SERGEF: variants seen among roughly 807,000 people sequenced by gnomAD.
The protein encoded by SERGEF is secretion regulating guanine nucleotide exchange factor.
Under a neutral mutation model 50.0 loss-of-function variants are expected in SERGEF, and 51 were observed. The observed-to-expected ratio is 1.02, with a 90% CI of 0.81 to 1.29. The LOEUF (loss-of-function observed/expected upper bound fraction) is 1.29. Ranked by LOEUF, SERGEF falls within the 50% of genes most tolerant of loss-of-function variation. The probability of loss-of-function intolerance (pLI) is 0.00; values close to 1 mark genes in which losing one functional copy is unlikely to be tolerated. For missense variants in SERGEF, 521 were observed against 557.0 expected, an observed-to-expected ratio of 0.94 and a Z score of 0.65; for synonymous variants, 205 against 212.4, an observed-to-expected ratio of 0.97 and a Z score of 0.30.
At chr11:17,879,371 T>C (rs1319918492) in intron 9 of SERGEF, among the ~76,000 whole-genome samples, 3 of 152,186 alleles carry the variant, frequency 2.0e-5, no homozygotes, top group African/African-American at 7.2e-5. Flanking sequence ...CTTTAGCTCC[T>C]GGCAAGAGGA....
At chr11:17,935,247 G>C (rs578208775) in intron 9 of SERGEF, among the ~76,000 whole-genome samples, 3 of 152,320 alleles carry the variant, frequency 2.0e-5, no homozygotes, top group African/African-American at 7.2e-5. Flanking sequence ...GGGTGGCCAA[G>C]GCAGGAGGAT....
intron 9 of SERGEF, among the ~76,000 whole-genome samples, chr11:17,914,832 T>C (rs1051918873): frequency 1.3e-5 from 2 of 152,318 alleles, no homozygotes; most frequent in African/African-American, 2.4e-5. Context: ...CTAGGCACTG[T>C]AATATAATAG....
chr11:17,940,561 A>G (rs910363608), intron 9 of SERGEF, among the ~76,000 whole-genome samples: 1 of 152,008 alleles, frequency 6.6e-6, no homozygotes, highest in African/African-American at 2.4e-5. Context: ...ACACACAACC[A>G]TTTCTTTGAA....
At chr11:17,858,646 A>G (rs541546609) in intron 10 of SERGEF, among the ~76,000 whole-genome samples, 12 of 152,256 alleles carry the variant, frequency 7.9e-5, no homozygotes, top group Admixed American at 2.0e-4. Flanking sequence ...AGATCTTTAG[A>G]GAGGAAAACC....
chr11:17,931,616 G>A (rs1852354080), intron 9 of SERGEF, among the ~76,000 whole-genome samples: 1 of 152,162 alleles, frequency 6.6e-6, no homozygotes, highest in East Asian at 1.9e-4. Flanking sequence ...GAAAGAAAAA[G>A]TGGCAAACTA....
At chr11:17,997,045 A>C (rs1367615292) in intron 5 of SERGEF, among the ~76,000 whole-genome samples, 7 of 152,144 alleles carry the variant, frequency 4.6e-5, no homozygotes, top group Admixed American at 4.6e-4. Context: ...TTTCTACAAA[A>C]AATTTAAAAA....
chr11:17,902,185 G>C (rs900312741), intron 9 of SERGEF, among the ~76,000 whole-genome samples: 3 of 94,880 alleles, frequency 3.2e-5, no homozygotes, highest in African/African-American at 9.9e-5. Context: ...CAGCAGACAG[G>C]AGTAGTCCAC....
intron 10 of SERGEF, among the ~76,000 whole-genome samples, chr11:17,858,347 G>C (rs2133879860): frequency 6.6e-6 from 1 of 152,246 alleles, no homozygotes; most frequent in African/African-American, 2.4e-5. Flanking sequence ...TGAAACAAAT[G>C]GGTTAAGTGA....
At chr11:17,946,549 G>A (rs183980140) in intron 9 of SERGEF, among the ~76,000 whole-genome samples, 39 of 152,264 alleles carry the variant, frequency 2.6e-4, no homozygotes, top group Admixed American at 1.9e-3. Context: ...TGTAAGGCAC[G>A]GGGAAATTAT....
intron 4 of SERGEF, chr11:18,000,918 C>A: frequency 2.3e-6 from 1 of 429,014 alleles, no homozygotes; most frequent in South Asian, 1.8e-5. Flanking sequence ...AACATAAAAG[C>A]AGCTCTAGAC....
chr11:17,794,775 CTATTTAATATTA>C (rs1216333680), intron 10 of SERGEF, among the ~76,000 whole-genome samples: 2 of 152,226 alleles, frequency 1.3e-5, no homozygotes, highest in Non-Finnish European at 2.9e-5. Flanking sequence ...AGGCCCTCTT[CTATTTAATATTA>C]TACTGTTCTC....
At chr11:17,864,542 T>A (rs1198753399) in intron 10 of SERGEF, among the ~76,000 whole-genome samples, 1 of 152,248 alleles carries the variant, frequency 6.6e-6, no homozygotes, top group Non-Finnish European at 1.5e-5. Context: ...GTGAAACATC[T>A]TTCTTAAATG....
At chr11:17,824,028 G>A (rs940327171) in intron 10 of SERGEF, among the ~76,000 whole-genome samples, 5 of 152,098 alleles carry the variant, frequency 3.3e-5, no homozygotes, top group African/African-American at 7.2e-5. Context: ...TTGGCCGGGC[G>A]CGGTGGCTCA....
chr11:17,904,135 T>C (rs1196339909), intron 9 of SERGEF, among the ~76,000 whole-genome samples: 1 of 152,244 alleles, frequency 6.6e-6, no homozygotes, highest in African/African-American at 2.4e-5. Flanking sequence ...CCCACTGCTT[T>C]AGACCCTGTG....
chr11:17,942,534 A>G (rs1054571463), intron 9 of SERGEF, among the ~76,000 whole-genome samples: 1 of 152,194 alleles, frequency 6.6e-6, no homozygotes, highest in Non-Finnish European at 1.5e-5. Flanking sequence ...TTATAATTCA[A>G]CAATCATATC....
At chr11:17,942,230 T>C (rs1309014112) in intron 9 of SERGEF, among the ~76,000 whole-genome samples, 2 of 152,192 alleles carry the variant, frequency 1.3e-5, no homozygotes, top group East Asian at 3.8e-4. Context: ...ACATTGAGTT[T>C]TCCAATCTGT....
chr11:17,835,936 A>G (rs1476978875), intron 10 of SERGEF, among the ~76,000 whole-genome samples: 1 of 152,234 alleles, frequency 6.6e-6, no homozygotes, highest in African/African-American at 2.4e-5. Context: ...ACTATTCATC[A>G]TCCTACAATC....
chr11:18,002,702 GTA>G (rs1853991247), intron 4 of SERGEF, among the ~76,000 whole-genome samples: 1 of 152,144 alleles, frequency 6.6e-6, no homozygotes, highest in Non-Finnish European at 1.5e-5. Context: ...TTACATTTAA[GTA>G]TTTATGTGCC....
chr11:17,874,751 T>A (rs1851211202), intron 10 of SERGEF, among the ~76,000 whole-genome samples: 1 of 152,158 alleles, frequency 6.6e-6, no homozygotes, highest in Non-Finnish European at 1.5e-5. Flanking sequence ...GCTGCTTGGA[T>A]GTGCAGATTC....
Sources: allele counts gnomAD v4.1 joint callset (sites outside exome capture counted in the v4.1 genomes callset), GRCh38; gene constraint gnomAD v4.1.1; transcripts MANE v1.5; gene names NCBI Gene and HGNC (gene_info 2026-07-23, HGNC 2026-07-21).